The following KCNAB2 variants were observed in gnomAD, a reference collection of about 807,000 sequenced individuals.
KCNAB2 encodes voltage-gated potassium channel subunit beta-2.
Under a neutral mutation model 63.6 loss-of-function variants are expected in KCNAB2, and 29 were observed. That is an observed-to-expected ratio of 0.46 (90% CI 0.34 to 0.62). The LOEUF (loss-of-function observed/expected upper bound fraction) is 0.62, where lower values mean the gene tolerates loss of function less well. Among genes scored for constraint, KCNAB2 ranks in the 20% least tolerant of loss-of-function variants. KCNAB2 has a pLI of 0.01. For missense variants in KCNAB2, 359 were observed against 563.9 expected, an observed-to-expected ratio of 0.64 and a Z score of 3.68; for synonymous variants, 222 against 224.2, an observed-to-expected ratio of 0.99 and a Z score of 0.09.
chr1:6,058,258 TAA>T (rs373215441), intron 2 of KCNAB2, among the ~76,000 whole-genome samples: 17 of 152,342 alleles, frequency 1.1e-4, no homozygotes, highest in African/African-American at 3.8e-4. Flanking sequence ...TGTTTCCAAA[TAA>T]AGTCACACTC....
intron 2 of KCNAB2, 78 bp downstream of exon 2, chr1:6,051,832 G>T: frequency 1.4e-6 from 2 of 1,425,560 alleles, no homozygotes; most frequent in South Asian, 2.8e-5. Context: ...GGCTGGGCAC[G>T]GTGGTTCACA....
chr1:6,042,827 CG>C (rs1660601728), upstream of KCNAB2, among the ~76,000 whole-genome samples: 2 of 70,448 alleles, frequency 2.8e-5, no homozygotes, highest in African/African-American at 6.2e-5. Context: ...TTTCTCTCCC[CG>C]CGCCCCCACT....
chr1:6,085,820 C>T lies in KCNAB2; in HGVS notation c.425+572C>T, dbSNP rs866628152. 2.3e-5 allele frequency: 23 copies of T among 988,108 alleles called. No individual in the cohort carries two copies. In the South Asian group the frequency reaches 6.5e-4, roughly 28 times the overall value. The allele number at this position is 988,108 out of a possible 1,614,324, so 61.2% of individuals were successfully genotyped here. A position where few individuals can be genotyped will look rare whatever the true frequency, so the allele number is the denominator to read the frequency against. Reference sequence around the variant, plus strand: ...TGTGTGTGGGACCGTTCCGGCAGGGCTATCCTGAGGGTCAGTGGCCCCAAG... The same window carrying T: ...TGTGTGTGGGACCGTTCCGGCAGGGTTATCCTGAGGGTCAGTGGCCCCAAG... On this transcript the variant is annotated intron_variant, in intron 6 of 15. Transcript: ENST00000378083.
At chr1:6,058,526 GTGACA>G (rs1395710079) in intron 2 of KCNAB2, among the ~76,000 whole-genome samples, 1 of 152,230 alleles carries the variant, frequency 6.6e-6, no homozygotes, top group Non-Finnish European at 1.5e-5. Flanking sequence ...TAAGCTCCAG[GTGACA>G]TAACTCAAAG....
rs1034800483 is a variant in KCNAB2, at chr1:6,071,688, G to A, written c.219-1067G>A. 6.6e-5 allele frequency among the ~76,000 whole-genome samples: 10 copies of A among 151,774 alleles called. No homozygotes were observed. The highest frequency in any genetic ancestry group is 2.0e-4 in the Admixed American group (3 of 15,228). ...CTGCCACCGCGTAGGGCTCTGCTGC[G>A]TAGGACTCCTGCCGCCGCATAGGGC... On this transcript the variant is annotated intron_variant, in intron 2 of 15. Transcript: ENST00000378083. The surrounding 1 kb of genome is among the most constrained non-coding windows in gnomAD (Gnocchi z 8.5).
Position 6,096,762 on chromosome 1 carries a change from G to A in KCNAB2, c.1069+6G>A, listed in dbSNP as rs768725515. 2.0e-5 allele frequency: 32 copies of A among 1,567,176 alleles called. No individual in the cohort carries two copies. The highest frequency in any genetic ancestry group is 1.7e-4 in the Middle Eastern group (1 of 5,770). On this transcript the variant is annotated splice_donor_region_variant and intron_variant, in intron 14 of 15. Transcript: ENST00000378083. The surrounding 1 kb of genome is among the most constrained non-coding windows in gnomAD (Gnocchi z 5.9). ...CCTGCCCCAGCTGGCCATAGGTAAC[G>A]GTGGGGTCGCCATGGGGCCAGTGCC...
intron 1 of KCNAB2, among the ~76,000 whole-genome samples, chr1:6,018,479 T>A (rs1479806840): frequency 2.0e-5 from 3 of 152,170 alleles, no homozygotes; most frequent in Non-Finnish European, 4.4e-5. Context: ...GGTCTTGCTC[T>A]GTTGCCCAGG....
chr1:6,051,902 G>C, intron 2 of KCNAB2, 148 bp downstream of exon 2: 1 of 942,028 alleles, frequency 1.1e-6, no homozygotes, highest in Non-Finnish European at 1.5e-6. Flanking sequence ...TCAGGAGCTC[G>C]AGACCAGCCT....
chr1:6,037,263 G>A (rs1660115359), intron 1 of KCNAB2, among the ~76,000 whole-genome samples: 1 of 152,196 alleles, frequency 6.6e-6, no homozygotes, highest in South Asian at 2.1e-4. Context: ...CTGGAAGTTA[G>A]CTCAGCACCT....
At chr1:5,993,253 C>T (rs1307409105) in intron 1 of KCNAB2, among the ~76,000 whole-genome samples, 2 of 151,924 alleles carry the variant, frequency 1.3e-5, no homozygotes, top group African/African-American at 4.8e-5. Context: ...AAGGCTCATC[C>T]GTCGTTCTCG....
At position 6,097,377 on chromosome 1, in the gene KCNAB2, C is replaced by A. The variant is rs1665733438; in HGVS notation, c.1158+20C>A. The A allele has an allele frequency of 1.9e-6, 3 of 1,550,140 alleles. No homozygotes were observed. Among genetic ancestry groups the A allele is most frequent in the Non-Finnish European group, 2.6e-6 (3 of 1,147,024 alleles). On this transcript the variant is annotated intron_variant, in intron 15 of 15. Coordinates refer to ENST00000378083, the MANE Select transcript of KCNAB2 (RefSeq NM_001199862.2). ...ATACAGGTAAGAGTGAGAGGCCCTG[C>A]TGGGCAGAGGGCCCATCCCAGCCCG...
At chr1:6,084,983 C>A (rs1664569124) in intron 5 of KCNAB2, among the ~76,000 whole-genome samples, 1 of 152,174 alleles carries the variant, frequency 6.6e-6, no homozygotes, top group African/African-American at 2.4e-5. Context: ...GGGGAACATG[C>A]CACAGCCATC....
At chr1:6,054,499 G>A (rs899971332) in intron 2 of KCNAB2, among the ~76,000 whole-genome samples, 14 of 152,124 alleles carry the variant, frequency 9.2e-5, no homozygotes, top group African/African-American at 2.7e-4. Flanking sequence ...TCGTGGTGGC[G>A]GGCACCTGTA....
Position 6,096,548 on chromosome 1 carries a change from A to AG in KCNAB2, c.949-86dup. On this transcript the variant is annotated intron_variant, in intron 13 of 15. Transcript: ENST00000378083. This position sits in a 1 kb window ranked among gnomAD's most constrained non-coding sequence, Gnocchi z 5.9. ...CCCCTATGAGGGAGAAGGGTCCAGA[A>AG]GGAATGAGCCCATCGGCCCCCTGCA... is the stretch of plus-strand genomic sequence containing the variant. The AG allele has an allele frequency of 6.8e-7, 1 of 1,480,806 alleles. No individual in the cohort carries two copies. The highest frequency in any genetic ancestry group is 9.1e-7 in the Non-Finnish European group (1 of 1,102,900). The allele number at this position is 1,480,806 out of a possible 1,614,324, so 91.7% of individuals were successfully genotyped here. A position where few individuals can be genotyped will look rare whatever the true frequency, so the allele number is the denominator to read the frequency against.
intron 8 of KCNAB2, among the ~76,000 whole-genome samples, chr1:6,089,356 A>G (rs1441595257): frequency 2.0e-5 from 3 of 152,246 alleles, no homozygotes; most frequent in African/African-American, 7.2e-5. Context: ...CCTCTGCCAC[A>G]GTATCTGTGC....
At chr1:5,993,505 C>T (rs1656702885) in intron 1 of KCNAB2, among the ~76,000 whole-genome samples, 1 of 152,224 alleles carries the variant, frequency 6.6e-6, no homozygotes, top group Non-Finnish European at 1.5e-5. Flanking sequence ...AGCACTTCCG[C>T]ACCTCCCTAC....
rs769367349 is a variant in KCNAB2 at position 6,024,325 on chromosome 1, A to G, written c.-52-16192A>G. Reference sequence around the variant, plus strand: ...GGTCTCGAACTCCTGGCCTCAAGCAATCCTCCCACCCTGGCCTCCAAAGTG... The same window carrying G: ...GGTCTCGAACTCCTGGCCTCAAGCAGTCCTCCCACCCTGGCCTCCAAAGTG... On this transcript the variant is annotated intron_variant, in intron 1 of 16. Coordinates refer to the KCNAB2 transcript ENST00000341524. The surrounding 1 kb of genome is among the most constrained non-coding windows in gnomAD (Gnocchi z 5.4). Among the ~76,000 whole-genome samples, 6 of 152,220 alleles carry G rather than the reference A, an allele frequency of 3.9e-5. No individual in the cohort carries two copies. Among genetic ancestry groups the G allele is most frequent in the Non-Finnish European group, 7.4e-5 (5 of 68,006 alleles).
At chr1:6,019,700 T>C (rs1658712611) in intron 1 of KCNAB2, among the ~76,000 whole-genome samples, 1 of 152,182 alleles carries the variant, frequency 6.6e-6, no homozygotes, top group South Asian at 2.1e-4. Flanking sequence ...GAGGGTCCAG[T>C]GTCACAGCCC....
chr1:6,018,236 C>T (rs1033926303), intron 1 of KCNAB2, among the ~76,000 whole-genome samples: 1 of 152,076 alleles, frequency 6.6e-6, no homozygotes, highest in Non-Finnish European at 1.5e-5. Flanking sequence ...TGCGCCCAGC[C>T]AGGCAAATGT....
Sources: allele counts gnomAD v4.1 joint callset (sites outside exome capture counted in the v4.1 genomes callset), GRCh38; gene constraint gnomAD v4.1.1; non-coding constraint Gnocchi (gnomAD v3.1); transcripts MANE v1.5; gene names NCBI Gene and HGNC (gene_info 2026-07-23, HGNC 2026-07-21).